Variants in RAD51D observed in about 807,000 individuals in gnomAD.
RAD51D encodes RAD51 paralog D, also known as DNA repair protein RAD51 homolog 4.
In RAD51D, 38 loss-of-function variants were observed where a neutral mutation model predicts 44.1. The ratio of observed to expected loss-of-function variants is 0.86; its 90% CI spans 0.67 to 1.13. RAD51D has a LOEUF of 1.13. RAD51D is among the 50% of genes most tolerant of loss of function. RAD51D has a pLI of 0.00. For missense variants in RAD51D, 390 were observed against 414.0 expected (o/e 0.94, Z 0.50); for synonymous variants, 141 against 166.6 (o/e 0.85, Z 1.18).
In RAD51D at chr17:35,096,871, A is replaced by T. The variant is rs537805486; in HGVS notation, c.*4082T>A. 36 of 138,318 alleles carry T rather than the reference A, an allele frequency of 2.6e-4. No individual in the cohort carries two copies. The highest frequency in any genetic ancestry group is 4.3e-4 in the Non-Finnish European group (28 of 64,868). The allele number at this position is 138,318 out of a possible 1,614,324, so 8.6% of individuals were successfully genotyped here. ...CTTGAAACATAAAAGAAATAAATAT[A>T]AATAAGTGTCCCTAGTATTTACACT... is the stretch of plus-strand genomic sequence containing the variant. On this transcript the variant is annotated 3_prime_UTR_variant, in exon 10 of 10. Coordinates refer to ENST00000345365, the MANE Select transcript of RAD51D (RefSeq NM_002878.4).
In RAD51D at chr17:35,118,585, T is replaced by C. The variant is rs780689600; in HGVS notation, c.179A>G (p.Gln60Arg). 2.5e-6 allele frequency: 4 copies of C among 1,614,064 alleles called. No individual in the cohort carries two copies. The South Asian group carries it at 3.3e-5, about 13-fold the overall frequency. The change falls in exon 3 of 10, where the codon CAG becomes CGG. Residue 60 changes from glutamine (Q) to arginine (R), a missense_variant. Gln to Arg is a conservative substitution (Grantham distance 43, BLOSUM62 1). Transcript: ENST00000345365. ...LVALRRVLLA[Q>R]FSAFPVNGAD... ...GCCATTCACGGGGAAAGCCGAGAAC[T>C]GAGCCAGCAGCACCCGCCTCAGGGC...
At position 35,103,738 on chromosome 17, in the gene RAD51D, T is replaced by C. The variant is rs1430821218; in HGVS notation, c.577-194A>G. ...CATTGGCATGTGTAACAGACTTCAA[T>C]GAAGACTTGGGTAGAAAGAAAGGGT... On this transcript the variant is annotated intron_variant, in intron 6 of 9. Coordinates refer to ENST00000345365, the MANE Select transcript of RAD51D (RefSeq NM_002878.4). This position sits in a 1 kb window ranked among gnomAD's most constrained non-coding sequence, Gnocchi z 4.1. 6.6e-6 allele frequency among the ~76,000 whole-genome samples: 1 copy of C among 152,238 alleles called. No individual in the cohort carries two copies. The highest frequency in any genetic ancestry group is 1.5e-5 in the Non-Finnish European group (1 of 68,040).
chr17:35,103,111 G>A lies in RAD51D; in HGVS notation c.738+143C>T. 2 of 763,426 alleles carry A rather than the reference G, an allele frequency of 2.6e-6. No homozygotes were observed. The highest frequency in any genetic ancestry group is 2.3e-6 in the Non-Finnish European group (1 of 430,980). 47.3% of individuals were successfully genotyped at this position (763,426 alleles called of 1,614,324 possible). The stretch of plus-strand genomic sequence containing the variant: ...CCTGATTCCCTTAGCTATTTATGGT[G>A]CAAAGCTGTAGCTGACCCAGGGAAG... On this transcript the variant is annotated intron_variant, in intron 8 of 9. Coordinates refer to ENST00000345365, the MANE Select transcript of RAD51D (RefSeq NM_002878.4). This position sits in a 1 kb window ranked among gnomAD's most constrained non-coding sequence, Gnocchi z 4.1.
rs938496714 is a variant in RAD51D, at chr17:35,094,583, T to A, written c.*6370A>T. 1 of 152,136 alleles carries A rather than the reference T, an allele frequency of 6.6e-6. No homozygotes were observed. Among genetic ancestry groups the A allele is most frequent in the Non-Finnish European group, 1.5e-5 (1 of 68,026 alleles). 9.4% of individuals were successfully genotyped at this position (152,136 alleles called of 1,614,324 possible). ...TATGGTGAGCTAAGCTGAAAAGAGGTTGGGATGTGCAGCCCCTGCTGCTAT... is the reference window on the plus strand; with the variant it reads ...TATGGTGAGCTAAGCTGAAAAGAGGATGGGATGTGCAGCCCCTGCTGCTAT... On this transcript the variant is annotated 3_prime_UTR_variant, in exon 10 of 10. Transcript: ENST00000345365.
intron 8 of RAD51D, among the ~76,000 whole-genome samples, chr17:35,101,620 G>C (rs1232371197): frequency 6.6e-6 from 1 of 152,120 alleles, no homozygotes; most frequent in Non-Finnish European, 1.5e-5. Flanking sequence ...TGCTTTCCAG[G>C]CTGGTCTCAA....
At chr17:35,108,497 TAA>T (rs900458144) in intron 3 of RAD51D, among the ~76,000 whole-genome samples, 4 of 78,426 alleles carry the variant, frequency 5.1e-5, no homozygotes, top group East Asian at 4.2e-4. Flanking sequence ...CTTTTCTCTT[TAA>T]AAAAAAAAAA....
rs1050867156 is a variant in RAD51D, at chr17:35,113,753, C to A, written c.263+4748G>T. Among the ~76,000 whole-genome samples the A allele has an allele frequency of 2.6e-5, 4 of 152,172 alleles. No homozygotes were observed. The East Asian group carries it at 5.8e-4, about 22-fold the overall frequency. Reference sequence around the variant, plus strand: ...ATTCTTCCCATTGAGATCAGAGGAACCCCAGTGTGGTCCCCAGACCAGGTG... The same window carrying A: ...ATTCTTCCCATTGAGATCAGAGGAAACCCAGTGTGGTCCCCAGACCAGGTG... On this transcript the variant is annotated intron_variant, in intron 3 of 9. Coordinates refer to ENST00000345365, the MANE Select transcript of RAD51D (RefSeq NM_002878.4).
chr17:35,107,454 G>A lies in RAD51D; in HGVS notation c.264-7C>T, dbSNP rs753529790. On this transcript the variant is annotated splice_polypyrimidine_tract_variant and splice_region_variant and intron_variant, in intron 3 of 9. Coordinates refer to ENST00000345365, the MANE Select transcript of RAD51D (RefSeq NM_002878.4). ...ATCAAGCAGTTTATCAAGACTGATGGCAGAAGAGAAGAAAATCAACACAAG... is the reference window on the plus strand; with the variant it reads ...ATCAAGCAGTTTATCAAGACTGATGACAGAAGAGAAGAAAATCAACACAAG... 9 of 1,531,714 alleles carry A rather than the reference G, an allele frequency of 5.9e-6. No homozygotes were observed. The African/African-American group carries it at 1.2e-4, about 21-fold the overall frequency. 94.9% of individuals were successfully genotyped at this position (1,531,714 alleles called of 1,614,324 possible). A position where few individuals can be genotyped will look rare whatever the true frequency, so the allele number is the denominator to read the frequency against.
chr17:35,119,357 T>C (rs2091793659), intron 1 of RAD51D, 175 bp downstream of exon 1: 18 of 916,550 alleles, frequency 2.0e-5, no homozygotes, highest in Non-Finnish European at 3.0e-5. Flanking sequence ...ATCTCTACCC[T>C]GTTTTAGAGC....
rs1555568303 is a variant in RAD51D at position 35,107,025 on chromosome 17, TGGA to T, written c.440_442del (p.Leu147del). 2 of 1,614,174 alleles carry T rather than the reference TGGA, an allele frequency of 1.2e-6. No individual in the cohort carries two copies. The highest frequency in any genetic ancestry group is 1.7e-6 in the Non-Finnish European group (2 of 1,180,036). ...ATCCTGGGTTTTAGCCTGAAGCAGC[TGGA>T]GGAGGCGGGAAGCTGTCAGCCCTCC... On this transcript the variant is annotated inframe_deletion, in exon 5 of 10. Transcript: ENST00000345365.
In RAD51D at chr17:35,103,416, C is replaced by G. The variant is rs2142419757; in HGVS notation, c.667+38G>C. On this transcript the variant is annotated intron_variant, in intron 7 of 9. Transcript: ENST00000345365. This position sits in a 1 kb window ranked among gnomAD's most constrained non-coding sequence, Gnocchi z 4.1. ...AGACTCCAGAGCTGGGAGGCGAGGTCACATTCCACTGGCCCCAGGCTCTGC... is the reference window on the plus strand; with the variant it reads ...AGACTCCAGAGCTGGGAGGCGAGGTGACATTCCACTGGCCCCAGGCTCTGC... The G allele has an allele frequency of 6.2e-7, 1 of 1,610,992 alleles. No individual in the cohort carries two copies. The highest frequency in any genetic ancestry group is 8.5e-7 in the Non-Finnish European group (1 of 1,177,146).
intron 3 of RAD51D, among the ~76,000 whole-genome samples, chr17:35,108,856 T>G (rs1286074586): frequency 7.1e-6 from 1 of 141,136 alleles, no homozygotes; most frequent in Non-Finnish European, 1.5e-5. Flanking sequence ...TGTGATTGGC[T>G]TTTTTTCTTT....
At chr17:35,109,182 T>C (rs565984405) in intron 3 of RAD51D, among the ~76,000 whole-genome samples, 8 of 152,326 alleles carry the variant, frequency 5.3e-5, no homozygotes, top group African/African-American at 1.9e-4. Context: ...ATTGGCTTTT[T>C]TACTCAGCAT....
At chr17:35,111,022 AC>A (rs1213594097) in intron 3 of RAD51D, among the ~76,000 whole-genome samples, 1 of 151,704 alleles carries the variant, frequency 6.6e-6, no homozygotes, top group African/African-American at 2.4e-5. Flanking sequence ...GGTGAATCAA[AC>A]CCGGGAGGCG....
chr17:35,117,137 A>T (rs2091760080), intron 3 of RAD51D: 7 of 1,310,958 alleles, frequency 5.3e-6, no homozygotes, highest in Non-Finnish European at 7.4e-6. Context: ...GCTCTCTTGT[A>T]TTCACTTGAT....
intron 3 of RAD51D, among the ~76,000 whole-genome samples, chr17:35,111,592 C>T (rs1010329076): frequency 2.0e-5 from 3 of 151,984 alleles, no homozygotes; most frequent in East Asian, 1.9e-4. Flanking sequence ...GTTGTGTATA[C>T]TTGTGGAGGT....
chr17:35,097,552 T>TGTATA lies in RAD51D; in HGVS notation c.*3400_*3401insTATAC. The TGTATA allele has an allele frequency of 6.6e-6, 1 of 151,494 alleles. No homozygotes were observed. The highest frequency in any genetic ancestry group is 2.4e-5 in the African/African-American group (1 of 41,212). 9.4% of individuals were successfully genotyped at this position (151,494 alleles called of 1,614,324 possible). On this transcript the variant is annotated 3_prime_UTR_variant, in exon 10 of 10. Coordinates refer to ENST00000345365, the MANE Select transcript of RAD51D (RefSeq NM_002878.4). The stretch of plus-strand genomic sequence containing the variant: ...ATATATATGTATATGTATATGTATA[T>TGTATA]TTTTTTCCTAAGAACTAGAGAGTGC...
At position 35,094,938 on chromosome 17, in the gene RAD51D, C is replaced by A. The variant is rs1308757303; in HGVS notation, c.*6015G>T. 1 of 152,230 alleles carries A rather than the reference C, an allele frequency of 6.6e-6. No individual in the cohort carries two copies. The highest frequency in any genetic ancestry group is 1.5e-5 in the Non-Finnish European group (1 of 68,062). 9.4% of individuals were successfully genotyped at this position (152,230 alleles called of 1,614,324 possible). On this transcript the variant is annotated 3_prime_UTR_variant, in exon 10 of 10. Coordinates refer to ENST00000345365, the MANE Select transcript of RAD51D (RefSeq NM_002878.4). ...CTGCCCACCCAGCATCCAGTTCATCCACACACTCTCCTTTCTAGTAGAAAG... is the reference window on the plus strand; with the variant it reads ...CTGCCCACCCAGCATCCAGTTCATCAACACACTCTCCTTTCTAGTAGAAAG...
At chr17:35,113,165 T>C (rs1467917912) in intron 3 of RAD51D, among the ~76,000 whole-genome samples, 2 of 152,208 alleles carry the variant, frequency 1.3e-5, no homozygotes, top group Non-Finnish European at 2.9e-5. Flanking sequence ...GTACCTTTCC[T>C]AGCCCTACAA....
Sources: allele counts gnomAD v4.1 joint callset (sites outside exome capture counted in the v4.1 genomes callset), GRCh38; gene constraint gnomAD v4.1.1; non-coding constraint Gnocchi (gnomAD v3.1); transcripts MANE v1.5; gene names NCBI Gene and HGNC (gene_info 2026-07-23, HGNC 2026-07-21).